The following ULK4 variants were observed in gnomAD, a reference collection of about 807,000 sequenced individuals.
ULK4 encodes inactive serine/threonine-protein kinase ULK4.
ULK4 carries 133 observed loss-of-function variants against 160.6 expected under a neutral mutation model. That is an observed-to-expected ratio of 0.83 (90% confidence interval 0.72 to 0.96). The LOEUF (loss-of-function observed/expected upper bound fraction) is 0.96. Ranked by LOEUF, ULK4 falls within the 40% of genes least tolerant of loss-of-function variation. The probability of loss-of-function intolerance (pLI) is 0.00; values close to 1 mark genes in which losing one functional copy is unlikely to be tolerated. For missense variants in ULK4, 1,580 were observed against 1,499.5 expected (o/e 1.05, Z -0.89); for synonymous variants, 534 against 539.8 (o/e 0.99, Z 0.15).
chr3:41,446,029 A>G (rs1334882301), intron 34 of ULK4, among the ~76,000 whole-genome samples: 6 of 152,252 alleles, frequency 3.9e-5, no homozygotes, highest in Non-Finnish European at 8.8e-5. Flanking sequence ...AATTTACAAG[A>G]AAAAAACAAA....
intron 22 of ULK4, 92 bp downstream of exon 22, chr3:41,754,269 C>T: frequency 7.3e-7 from 1 of 1,372,882 alleles, no homozygotes; most frequent in South Asian, 1.7e-5. Flanking sequence ...AAAAAAATAC[C>T]AGATACACAG....
intron 35 of ULK4, among the ~76,000 whole-genome samples, chr3:41,386,920 T>A (rs574737013): frequency 1.3e-5 from 2 of 152,244 alleles, no homozygotes; most frequent in South Asian, 4.2e-4. Context: ...GCTCTTGAGG[T>A]GGACTATCAT....
intron 27 of ULK4, among the ~76,000 whole-genome samples, chr3:41,683,089 C>T (rs957584135): frequency 1.3e-5 from 2 of 152,160 alleles, no homozygotes; most frequent in Admixed American, 1.3e-4. Flanking sequence ...TTCATACATT[C>T]CCAGTGATCA....
intron 8 of ULK4, among the ~76,000 whole-genome samples, chr3:41,913,681 G>T (rs911037440): frequency 6.6e-6 from 1 of 152,146 alleles, no homozygotes; most frequent in Non-Finnish European, 1.5e-5. Flanking sequence ...AAGAATATCA[G>T]CCCAGGTGTA....
At chr3:41,867,235 A>C (rs1375404685) in intron 17 of ULK4, among the ~76,000 whole-genome samples, 2 of 152,112 alleles carry the variant, frequency 1.3e-5, no homozygotes, top group Admixed American at 1.3e-4. Context: ...AACATTCTTG[A>C]TTTCTAATAC....
chr3:41,468,508 G>A (rs998579816), intron 32 of ULK4, among the ~76,000 whole-genome samples: 3 of 152,142 alleles, frequency 2.0e-5, no homozygotes, highest in Non-Finnish European at 4.4e-5. Flanking sequence ...TCCTATAGAA[G>A]AATAGGAGGT....
In ULK4 at chr3:41,459,137, C is replaced by T. The variant is rs867089572; in HGVS notation, c.3394-3542G>A. ...CGTGATCTCGGTTCACTGAAACCTC[C>T]GCCTCCCAGGTTCAAATGATTCTCC... On this transcript the variant is annotated intron_variant, in intron 33 of 36. Transcript: ENST00000301831. 3.9e-5 allele frequency among the ~76,000 whole-genome samples: 6 copies of T among 152,084 alleles called. No individual in the cohort carries two copies. In the East Asian group the frequency reaches 5.8e-4, roughly 15 times the overall value.
intron 35 of ULK4, among the ~76,000 whole-genome samples, chr3:41,306,576 C>T (rs1385840868): frequency 1.3e-5 from 2 of 151,004 alleles, no homozygotes; most frequent in Non-Finnish European, 3.0e-5. Flanking sequence ...GTGAGGGGCA[C>T]CTCTGCCCGG....
intron 17 of ULK4, among the ~76,000 whole-genome samples, chr3:41,855,287 A>G (rs1393813443): frequency 6.6e-6 from 1 of 152,194 alleles, no homozygotes; most frequent in Admixed American, 6.5e-5. Flanking sequence ...ACCACAAACA[A>G]AACCTGATGA....
intron 34 of ULK4, among the ~76,000 whole-genome samples, chr3:41,423,753 C>G (rs2082712970): frequency 6.6e-6 from 1 of 151,978 alleles, no homozygotes; most frequent in Non-Finnish European, 1.5e-5. Context: ...AGTGGTACAA[C>G]AGCCCACCTG....
At chr3:41,386,854 C>A (rs2081824503) in intron 35 of ULK4, among the ~76,000 whole-genome samples, 1 of 152,062 alleles carries the variant, frequency 6.6e-6, no homozygotes, top group South Asian at 2.1e-4. Context: ...TCTGTCACAT[C>A]CTGTGACATG....
At chr3:41,516,175 T>A (rs2085741223) in intron 32 of ULK4, among the ~76,000 whole-genome samples, 1 of 152,216 alleles carries the variant, frequency 6.6e-6, no homozygotes, top group Non-Finnish European at 1.5e-5. Flanking sequence ...TAGAAATACA[T>A]GTTCTGATTC....
chr3:41,607,958 A>T (rs1244995435), intron 31 of ULK4, among the ~76,000 whole-genome samples: 1 of 152,238 alleles, frequency 6.6e-6, no homozygotes, highest in Non-Finnish European at 1.5e-5. Flanking sequence ...AACATCCGCT[A>T]GCTATAAGTC....
intron 25 of ULK4, among the ~76,000 whole-genome samples, chr3:41,707,718 T>C (rs529440990): frequency 9.2e-5 from 14 of 151,878 alleles, no homozygotes; most frequent in Admixed American, 5.3e-4. Context: ...TAGCCTTAGC[T>C]ACTCAGAGGC....
intron 35 of ULK4, among the ~76,000 whole-genome samples, chr3:41,382,959 TAAAG>T (rs1486791304): frequency 6.6e-6 from 1 of 152,152 alleles, no homozygotes; most frequent in Non-Finnish European, 1.5e-5. Flanking sequence ...TAATATAGAT[TAAAG>T]AAAAATTGTA....
chr3:41,936,067 C>G (rs1449357061), intron 3 of ULK4, 127 bp from the exon 4 acceptor site: 1 of 1,205,766 alleles, frequency 8.3e-7, no homozygotes, highest in Non-Finnish European at 1.2e-6. Context: ...ACAGCCTGGT[C>G]AAGGAACACA....
At chr3:41,683,498 G>A (rs1188848479) in intron 27 of ULK4, among the ~76,000 whole-genome samples, 2 of 151,384 alleles carry the variant, frequency 1.3e-5, no homozygotes, top group African/African-American at 4.9e-5. Context: ...CTGAAGTTTT[G>A]ATTCAGCACT....
chr3:41,357,905 C>T (rs2081058901), intron 35 of ULK4, among the ~76,000 whole-genome samples: 1 of 152,144 alleles, frequency 6.6e-6, no homozygotes, highest in Non-Finnish European at 1.5e-5. Flanking sequence ...ATTGCTTTTA[C>T]AGAAATAACT....
At chr3:41,386,589 T>C (rs1234222812) in intron 35 of ULK4, among the ~76,000 whole-genome samples, 1 of 152,130 alleles carries the variant, frequency 6.6e-6, no homozygotes, top group Non-Finnish European at 1.5e-5. Flanking sequence ...TTTTGACCCT[T>C]TGCGTTCCAT....
Sources: gnomAD v4.1 joint callset for allele counts (sites outside exome capture counted in the v4.1 genomes callset) on GRCh38, gnomAD v4.1.1 for gene constraint, MANE v1.5 for transcripts, NCBI Gene and HGNC (gene_info 2026-07-23, HGNC 2026-07-21) for gene names.